The following CCDC6 variants were observed in gnomAD, a reference collection of about 807,000 sequenced individuals.
CCDC6 encodes the protein coiled-coil domain containing 6.
A neutral mutation model predicts 56.6 loss-of-function variants in CCDC6; 20 were observed. That is an observed-to-expected ratio of 0.35 (90% confidence interval 0.25 to 0.51). The LOEUF is 0.51. Among genes scored for constraint, CCDC6 ranks in the 20% least tolerant of loss-of-function variants. The probability of loss-of-function intolerance (pLI) is 0.95; values close to 1 mark genes in which losing one functional copy is unlikely to be tolerated. For missense variants in CCDC6, 367 were observed against 601.1 expected (o/e 0.61, Z 4.07); for synonymous variants, 241 against 234.4 (o/e 1.03, Z -0.26).
At chr10:59,901,644 C>A (rs956813420) in intron 1 of CCDC6, among the ~76,000 whole-genome samples, 10 of 152,092 alleles carry the variant, frequency 6.6e-5, no homozygotes, top group African/African-American at 2.4e-4. Flanking sequence ...ATTTCCAAAC[C>A]AAACACATAC....
intron 7 of CCDC6, among the ~76,000 whole-genome samples, chr10:59,802,265 CAAGTTAGTG>C (rs2070582979): frequency 6.6e-6 from 1 of 152,058 alleles, no homozygotes; most frequent in Non-Finnish European, 1.5e-5. Context: ...AATATTTCAA[CAAGTTAGTG>C]AAGTTAGTGA....
intron 1 of CCDC6, among the ~76,000 whole-genome samples, chr10:59,895,498 G>C (rs773629919): frequency 7.2e-5 from 11 of 152,176 alleles, no homozygotes; most frequent in Non-Finnish European, 1.5e-4. Flanking sequence ...CAGTAGTACT[G>C]ATCGTATAGG....
intron 2 of CCDC6, among the ~76,000 whole-genome samples, chr10:59,847,335 G>C (rs1367331683): frequency 1.3e-5 from 2 of 150,200 alleles, no homozygotes; most frequent in Admixed American, 6.6e-5. Context: ...TTACAGGCAG[G>C]AGCCACCGCG....
At chr10:59,839,607 ACTTC>A (rs1184005828) in intron 2 of CCDC6, among the ~76,000 whole-genome samples, 1 of 152,154 alleles carries the variant, frequency 6.6e-6, no homozygotes, top group Non-Finnish European at 1.5e-5. Flanking sequence ...TATGGTATTT[ACTTC>A]CTTACATTTT....
chr10:59,834,650 C>T (rs764773250), intron 2 of CCDC6, among the ~76,000 whole-genome samples: 2 of 152,064 alleles, frequency 1.3e-5, no homozygotes, highest in African/African-American at 4.8e-5. Context: ...TGCTGTTTTC[C>T]TTCCAACTGT....
At chr10:59,906,001 G>T in intron 1 of CCDC6, 121 bp downstream of exon 1, 1 of 849,942 alleles carries the variant, frequency 1.2e-6, no homozygotes, top group Non-Finnish European at 1.8e-6. Context: ...CCCGCAGGGA[G>T]TGTGCTCTCA....
At chr10:59,826,967 T>C (rs886418521) in intron 3 of CCDC6, among the ~76,000 whole-genome samples, 4 of 152,194 alleles carry the variant, frequency 2.6e-5, no homozygotes, top group Admixed American at 6.5e-5. Flanking sequence ...TCGGCCCTCC[T>C]TCATCTTATA....
At chr10:59,832,493 T>A (rs773510664) in intron 3 of CCDC6, 32 bp downstream of exon 3, 2 of 1,588,550 alleles carry the variant, frequency 1.3e-6, no homozygotes, top group Non-Finnish European at 1.7e-6. Flanking sequence ...AACGAGAAAA[T>A]ACAATGTAAA....
At chr10:59,874,720 G>C (rs958834597) in intron 1 of CCDC6, among the ~76,000 whole-genome samples, 2 of 63,514 alleles carry the variant, frequency 3.1e-5, no homozygotes, top group Admixed American at 3.6e-4. Context: ...CTTTAAAATG[G>C]AAAATGGAGG....
Position 59,791,195 on chromosome 10 carries a change from T to C in CCDC6, c.*1722A>G, listed in dbSNP as rs1397947558. The C allele has an allele frequency of 1.0e-5, 2 of 194,624 alleles. No homozygotes were observed. The highest frequency in any genetic ancestry group is 4.6e-5 in the African/African-American group (2 of 43,178). 12.1% of individuals were successfully genotyped at this position (194,624 alleles called of 1,614,324 possible). A position where few individuals can be genotyped will look rare whatever the true frequency, so the allele number is the denominator to read the frequency against. On this transcript the variant is annotated 3_prime_UTR_variant, in exon 9 of 9. Transcript: ENST00000263102. ...AGAACTGTATTATGATTATGTATAT[T>C]ACACATACATTATAAATAAAATTTA... is the stretch of plus-strand genomic sequence containing the variant.
intron 3 of CCDC6, among the ~76,000 whole-genome samples, chr10:59,826,248 C>G (rs985679536): frequency 6.6e-6 from 1 of 152,130 alleles, no homozygotes; most frequent in Non-Finnish European, 1.5e-5. Context: ...AGGGAGTCAA[C>G]TTCAAATCTC....
rs534545668 is a variant in CCDC6 at position 59,792,982 on chromosome 10, G to A, written c.1360C>T (p.Pro454Ser). The A allele has an allele frequency of 1.2e-6, 2 of 1,613,072 alleles. No individual in the cohort carries two copies. The highest frequency in any genetic ancestry group is 2.2e-5 in the South Asian group (2 of 90,956). Residue 454 changes from proline (P) to serine (S), a missense_variant, in exon 9 of 9, where the codon CCC (proline) becomes TCC (serine). Pro to Ser is a moderately conservative substitution (Grantham distance 74). Coordinates refer to ENST00000263102, the MANE Select transcript of CCDC6 (RefSeq NM_005436.5). ...GTAGGCTGCGAGGTGGCTGCTGAGG[G>A]GACCGTGGGCTGCATGGGTGGCGGA... is the stretch of plus-strand genomic sequence containing the variant. ...PPPPPMQPTV[P>S]SAATSQPTPS...
At chr10:59,819,698 G>C (rs2070736208) in intron 3 of CCDC6, among the ~76,000 whole-genome samples, 2 of 152,140 alleles carry the variant, frequency 1.3e-5, no homozygotes, top group African/African-American at 4.8e-5. Context: ...GTCTCTATCT[G>C]TAATAATCTC....
chr10:59,882,522 G>C (rs866234327), intron 1 of CCDC6, among the ~76,000 whole-genome samples: 385 of 4,214 alleles, frequency 0.091, 51 homozygotes, highest in Non-Finnish European at 0.15. Flanking sequence ...GGAAAGCCAG[G>C]GGGAGAAGGA....
chr10:59,859,257 ATGT>A (rs2071107182), intron 1 of CCDC6, among the ~76,000 whole-genome samples: 1 of 150,332 alleles, frequency 6.7e-6, no homozygotes, highest in Non-Finnish European at 1.5e-5. Context: ...AAAGAATCTC[ATGT>A]TGTGTTCTAA....
intron 1 of CCDC6, among the ~76,000 whole-genome samples, chr10:59,875,681 G>A (rs746802160): frequency 1.3e-5 from 2 of 152,156 alleles, no homozygotes; most frequent in South Asian, 2.1e-4. Context: ...AGTGGTCTGC[G>A]CCGATGCTAT....
At chr10:59,882,521 GGGGGAGAAGGAAAGGAAA>G (rs2071350113) in intron 1 of CCDC6, among the ~76,000 whole-genome samples, 2 of 5,658 alleles carry the variant, frequency 3.5e-4, no homozygotes, top group Non-Finnish European at 9.5e-4. Context: ...AGGAAAGCCA[GGGGGAGAAGGAAAGGAAA>G]GCCGCGGGGA....
chr10:59,878,454 G>A (rs150397998), intron 1 of CCDC6, among the ~76,000 whole-genome samples: 81 of 152,114 alleles, frequency 5.3e-4, no homozygotes, highest in African/African-American at 1.8e-3. Flanking sequence ...GGGAAAACTC[G>A]CCATTTATAT....
At chr10:59,879,914 C>T (rs1215448416) in intron 1 of CCDC6, among the ~76,000 whole-genome samples, 2 of 152,142 alleles carry the variant, frequency 1.3e-5, no homozygotes, top group Non-Finnish European at 2.9e-5. Context: ...AATGATTCAT[C>T]ATTTTACCAA....
Sources: gnomAD v4.1 joint callset for allele counts (sites outside exome capture counted in the v4.1 genomes callset) on GRCh38, gnomAD v4.1.1 for gene constraint, MANE v1.5 for transcripts, NCBI Gene and HGNC (gene_info 2026-07-23, HGNC 2026-07-21) for gene names.